Variants in AGBL4 observed in about 807,000 individuals in gnomAD.
AGBL4 encodes cytosolic carboxypeptidase 6.
Under a neutral mutation model 66.4 loss-of-function variants are expected in AGBL4, and 58 were observed. The observed-to-expected ratio is 0.87, with a 90% CI of 0.71 to 1.09. The LOEUF (loss-of-function observed/expected upper bound fraction) is 1.09, where lower values mean the gene tolerates loss of function less well. Ranked by LOEUF, AGBL4 falls within the 50% of genes least tolerant of loss-of-function variation. AGBL4 has a pLI of 0.00. For missense variants in AGBL4, 579 were observed against 631.0 expected (o/e 0.92, Z 0.88); for synonymous variants, 234 against 222.9 (o/e 1.05, Z -0.44).
chr1:48,965,117 G>C (rs1488032952), intron 5 of AGBL4, among the ~76,000 whole-genome samples: 1 of 152,064 alleles, frequency 6.6e-6, no homozygotes, highest in Non-Finnish European at 1.5e-5. Flanking sequence ...ACCTCTAAGA[G>C]CTCTTTCAGC....
intron 6 of AGBL4, among the ~76,000 whole-genome samples, chr1:48,721,393 G>A (rs1219199731): frequency 6.6e-6 from 1 of 152,192 alleles, no homozygotes; most frequent in Non-Finnish European, 1.5e-5. Flanking sequence ...GAAATCAATG[G>A]CAGGGAACCA....
intron 5 of AGBL4, among the ~76,000 whole-genome samples, chr1:48,886,127 T>G (rs993168782): frequency 6.6e-6 from 1 of 152,118 alleles, no homozygotes; most frequent in Non-Finnish European, 1.5e-5. Flanking sequence ...GAGCCCTGCC[T>G]GAGGAGGTGG....
intron 5 of AGBL4, among the ~76,000 whole-genome samples, chr1:48,987,800 A>G (rs1660292955): frequency 6.6e-6 from 1 of 152,132 alleles, no homozygotes; most frequent in African/African-American, 2.4e-5. Context: ...TGGAATCTAC[A>G]TAAAAGCTGT....
intron 2 of AGBL4, among the ~76,000 whole-genome samples, chr1:49,825,929 C>G (rs1458659989): frequency 6.6e-6 from 1 of 151,898 alleles, no homozygotes; most frequent in Non-Finnish European, 1.5e-5. Flanking sequence ...AGAACTCAAA[C>G]AAGGCCACCC....
intron 3 of AGBL4, among the ~76,000 whole-genome samples, chr1:49,250,447 T>A (rs992075153): frequency 6.7e-6 from 1 of 149,032 alleles, no homozygotes; most frequent in African/African-American, 2.5e-5. Flanking sequence ...CTAATTTTTT[T>A]TTTTTTTTTT....
intron 4 of AGBL4, among the ~76,000 whole-genome samples, chr1:49,224,810 C>G (rs955314420): frequency 6.6e-6 from 1 of 151,982 alleles, no homozygotes; most frequent in Non-Finnish European, 1.5e-5. Flanking sequence ...CCAAAAATGG[C>G]TCACTTAAAA....
chr1:49,208,033 G>A (rs745379888), intron 4 of AGBL4, among the ~76,000 whole-genome samples: 29 of 151,860 alleles, frequency 1.9e-4, no homozygotes, highest in Non-Finnish European at 3.5e-4. Context: ...TTTAGAATAC[G>A]TAGCTTGCTC....
chr1:49,159,179 C>G (rs1298865139), intron 4 of AGBL4, among the ~76,000 whole-genome samples: 1 of 151,880 alleles, frequency 6.6e-6, no homozygotes, highest in Non-Finnish European at 1.5e-5. Context: ...ACAGTTTGGT[C>G]TGTTTTTGCA....
intron 3 of AGBL4, among the ~76,000 whole-genome samples, chr1:49,289,672 T>C (rs1186319029): frequency 6.6e-6 from 1 of 152,160 alleles, no homozygotes; most frequent in Non-Finnish European, 1.5e-5. Context: ...AGATAAATAC[T>C]AATAAAAATA....
intron 2 of AGBL4, among the ~76,000 whole-genome samples, chr1:49,820,297 T>G (rs1199773406): frequency 1.3e-5 from 2 of 152,162 alleles, no homozygotes; most frequent in African/African-American, 4.8e-5. Context: ...AATTTGAAAT[T>G]TCTTACTGAG....
intron 4 of AGBL4, among the ~76,000 whole-genome samples, chr1:49,137,337 T>C (rs1302071940): frequency 6.6e-6 from 1 of 152,014 alleles, no homozygotes; most frequent in African/African-American, 2.4e-5. Context: ...GAAAATAAAA[T>C]GATGGAGGTT....
intron 4 of AGBL4, among the ~76,000 whole-genome samples, chr1:49,132,072 C>T (rs1375189215): frequency 6.6e-6 from 1 of 151,896 alleles, no homozygotes; most frequent in African/African-American, 2.4e-5. Flanking sequence ...AGTTGCAGAA[C>T]ATTAATATTT....
chr1:49,052,386 C>T (rs1333798987), intron 4 of AGBL4, among the ~76,000 whole-genome samples: 1 of 152,132 alleles, frequency 6.6e-6, no homozygotes, highest in Non-Finnish European at 1.5e-5. Flanking sequence ...TCCTGACAGG[C>T]AGCAAGAAGA....
chr1:48,973,960 C>T (rs548562790), intron 5 of AGBL4, among the ~76,000 whole-genome samples: 1 of 152,222 alleles, frequency 6.6e-6, no homozygotes, highest in Admixed American at 6.5e-5. Flanking sequence ...GAGAAGATCC[C>T]ATCTCAGTAC....
chr1:49,138,972 A>G (rs1023804416), intron 4 of AGBL4, among the ~76,000 whole-genome samples: 9 of 152,138 alleles, frequency 5.9e-5, no homozygotes, highest in African/African-American at 1.9e-4. Flanking sequence ...GAAACTTACA[A>G]TGATGGCAAA....
intron 3 of AGBL4, among the ~76,000 whole-genome samples, chr1:49,390,253 A>C (rs908855809): frequency 1.3e-5 from 2 of 152,244 alleles, no homozygotes; most frequent in Non-Finnish European, 2.9e-5. Context: ...TCTGTCCACT[A>C]TGCTGTTAAA....
At chr1:48,630,434 C>T (rs961837274) in intron 9 of AGBL4, among the ~76,000 whole-genome samples, 1 of 152,150 alleles carries the variant, frequency 6.6e-6, no homozygotes, top group African/African-American at 2.4e-5. Context: ...CTAACTGTTC[C>T]TCCTGGGTTC....
intron 5 of AGBL4, among the ~76,000 whole-genome samples, chr1:48,870,046 G>A (rs72682906): frequency 0.022 from 3,405 of 151,992 alleles, 62 homozygotes; most frequent in Non-Finnish European, 0.037. Flanking sequence ...CTACCCTCTT[G>A]AAATCTTCCT....
chr1:49,078,546 T>C (rs1011850726), intron 4 of AGBL4, among the ~76,000 whole-genome samples: 3 of 152,302 alleles, frequency 2.0e-5, no homozygotes, highest in Admixed American at 2.0e-4. Flanking sequence ...CAAGTTTGTT[T>C]GATACACTCT....
Sources: gnomAD v4.1 joint callset for allele counts (sites outside exome capture counted in the v4.1 genomes callset) on GRCh38, gnomAD v4.1.1 for gene constraint, MANE v1.5 for transcripts, NCBI Gene and HGNC (gene_info 2026-07-23, HGNC 2026-07-21) for gene names.